MAN2B1: variants seen among roughly 807,000 people sequenced by gnomAD.
MAN2B1 encodes mannosidase alpha class 2B member 1, also known as lysosomal alpha-mannosidase.
MAN2B1 carries 99 observed loss-of-function variants against 127.5 expected under a neutral mutation model. The observed-to-expected ratio is 0.78, with a 90% confidence interval of 0.66 to 0.92. MAN2B1 has a LOEUF of 0.92. MAN2B1 is among the 40% of genes least tolerant of loss of function. The probability of loss-of-function intolerance (pLI) is 0.00; values close to 1 mark genes in which losing one functional copy is unlikely to be tolerated. For missense variants in MAN2B1, 1,304 were observed against 1,384.8 expected (o/e 0.94, Z 0.93); for synonymous variants, 573 against 568.8 (o/e 1.01, Z -0.11).
intron 4 of MAN2B1, among the ~76,000 whole-genome samples, chr19:12,664,096 C>T (rs2024171642): frequency 6.6e-6 from 1 of 152,100 alleles, no homozygotes; most frequent in Non-Finnish European, 1.5e-5. Context: ...CGTAGTGGTG[C>T]GCTCTTGTAG....
In MAN2B1 at chr19:12,648,056, G is replaced by A. The variant is rs1025305762; in HGVS notation, c.2664+119C>T. The A allele has an allele frequency of 5.1e-5, 55 of 1,077,202 alleles. No homozygotes were observed. The African/African-American group carries it at 7.0e-4, about 14-fold the overall frequency. The allele number at this position is 1,077,202 out of a possible 1,614,324, so 66.7% of individuals were successfully genotyped here. A position where few individuals can be genotyped will look rare whatever the true frequency, so the allele number is the denominator to read the frequency against. ...TGCCCAGGGGATGGGGTTGGCCCGAGGGTTTGGGGCTAATTATGGCCAAAT... is the reference window on the plus strand; with the variant it reads ...TGCCCAGGGGATGGGGTTGGCCCGAAGGTTTGGGGCTAATTATGGCCAAAT... On this transcript the variant is annotated intron_variant, in intron 21 of 23. Coordinates refer to ENST00000456935, the MANE Select transcript of MAN2B1 (RefSeq NM_000528.4).
At chr19:12,656,468 A>G (rs2145252550) in intron 13 of MAN2B1, 103 bp downstream of exon 13, 1 of 784,864 alleles carries the variant, frequency 1.3e-6, no homozygotes, top group Admixed American at 1.7e-5. Flanking sequence ...GATATGCATG[A>G]GTGGGAGGTA....
intron 4 of MAN2B1, 34 bp from the exon 5 acceptor site, chr19:12,663,869 A>G (rs1198958949): frequency 1.2e-6 from 2 of 1,613,834 alleles, no homozygotes; most frequent in Non-Finnish European, 1.7e-6. Flanking sequence ...AGTGTGAATT[A>G]GTGCCCAGCC....
chr19:12,655,915 A>G (rs375721133), intron 13 of MAN2B1, 36 bp from the exon 14 acceptor site: 9 of 1,585,094 alleles, frequency 5.7e-6, no homozygotes, highest in Non-Finnish European at 7.8e-6. Flanking sequence ...AGTCAAGAGT[A>G]CCCATGGAAA....
At chr19:12,658,008 G>T in intron 10 of MAN2B1, 55 bp downstream of exon 10, 1 of 1,423,476 alleles carries the variant, frequency 7.0e-7, no homozygotes, top group Non-Finnish European at 9.9e-7. Context: ...GGCGGCCTAG[G>T]GGTGGTTTCC....
At position 12,648,363 on chromosome 19, in the gene MAN2B1, A is replaced by G. The variant is rs1568297991; in HGVS notation, c.2476T>C (p.Ser826Pro). Residue 826 changes from serine to proline, a missense_variant, in exon 21 of 24, where the codon TCG (serine) becomes CCG (proline). Transcript: ENST00000456935. Reference protein sequence around the residue: ...RLLKDDGRGVSEPLMENGSGA... With the variant: ...RLLKDDGRGVPEPLMENGSGA... ...GACCCGTTCTCCATTAGTGGCTCCGATACTCCGCGTCCATCGTCCTTCAGC... is the reference window on the plus strand; with the variant it reads ...GACCCGTTCTCCATTAGTGGCTCCGGTACTCCGCGTCCATCGTCCTTCAGC... The G allele has an allele frequency of 6.2e-7, 1 of 1,613,408 alleles. No homozygotes were observed. Among genetic ancestry groups the G allele is most frequent in the Admixed American group, 1.7e-5 (1 of 59,992 alleles).
At chr19:12,661,445 T>A in intron 6 of MAN2B1, 69 bp from the exon 7 acceptor site, 1 of 1,053,588 alleles carries the variant, frequency 9.5e-7, no homozygotes, top group Non-Finnish European at 1.5e-6. Flanking sequence ...TGTGTTTTGA[T>A]GTATATGGGG....
chr19:12,656,160 G>T (rs980016824), intron 13 of MAN2B1: 8 of 466,074 alleles, frequency 1.7e-5, no homozygotes, highest in African/African-American at 1.4e-4. Flanking sequence ...GGGAGGAAGA[G>T]GTTTGGGGGA....
Position 12,652,896 on chromosome 19 carries a change from G to A in MAN2B1, c.1831-436C>T, listed in dbSNP as rs572594214. On this transcript the variant is annotated intron_variant, in intron 14 of 23. Coordinates refer to ENST00000456935, the MANE Select transcript of MAN2B1 (RefSeq NM_000528.4). ...GTCGCCCAGGCTGGAGTGCAGGGGC[G>A]CAATCTCTGCTCACTACAGCCTCTG... Among the ~76,000 whole-genome samples, 8 of 148,452 alleles carry A rather than the reference G, an allele frequency of 5.4e-5. No homozygotes were observed. In the East Asian group the frequency reaches 1.2e-3, roughly 22 times the overall value.
rs1455417289 is a variant in MAN2B1, at chr19:12,664,940, G to A, written c.482C>T (p.Ala161Val). Residue 161 changes from alanine to valine, a missense_variant, in exon 4 of 24, where the codon GCA (alanine) becomes GTA (valine). By Grantham distance (64) the Ala-to-Val change is moderately conservative. Transcript: ENST00000456935. ...CACGATGGCACCGTAGTGGGTGGCTGCCTCATCGTTCATCACCCAGCCACC... is the reference window on the plus strand; with the variant it reads ...CACGATGGCACCGTAGTGGGTGGCTACCTCATCGTTCATCACCCAGCCACC... ...ANGGWVMNDE[A>V]ATHYGAIVDQ... The A allele has an allele frequency of 6.2e-7, 1 of 1,613,964 alleles. No homozygotes were observed. Among genetic ancestry groups the A allele is most frequent in the Non-Finnish European group, 8.5e-7 (1 of 1,180,020 alleles).
At chr19:12,665,847 C>T in intron 1 of MAN2B1, 42 bp from the exon 2 acceptor site, 1 of 1,516,124 alleles carries the variant, frequency 6.6e-7, no homozygotes, top group South Asian at 1.1e-5. Context: ...TCAATAACCC[C>T]CGAGGTCGGG....
At chr19:12,661,716 A>G (rs2024109505) in intron 6 of MAN2B1, among the ~76,000 whole-genome samples, 1 of 151,990 alleles carries the variant, frequency 6.6e-6, no homozygotes, top group African/African-American at 2.4e-5. Flanking sequence ...ACATGATTAC[A>G]GGGGCTCACA....
At chr19:12,663,295 A>G in intron 6 of MAN2B1, 22 bp downstream of exon 6, 2 of 1,614,110 alleles carry the variant, frequency 1.2e-6, no homozygotes, top group Non-Finnish European at 1.7e-6. Context: ...CCGGACTCGA[A>G]GGTTCTGGAC....
At position 12,647,572 on chromosome 19, in the gene MAN2B1, C is replaced by T. The variant is rs149897798; in HGVS notation, c.2691G>A (p.Pro897=). 106 of 1,613,146 alleles carry T rather than the reference C, an allele frequency of 6.6e-5. No homozygotes were observed. In the African/African-American group the frequency reaches 9.2e-4, roughly 14 times the overall value. The change falls in exon 22 of 24, where the codon CCG becomes CCA. Residue 897 remains proline (P), a synonymous_variant. Transcript: ENST00000456935. This position sits in a 1 kb window ranked among gnomAD's most constrained non-coding sequence, Gnocchi z 4.9. ...CCAGCGTGAGCAGGTGCACCGAGGGCGGCAGGTCCCTGCGCAGCCCTGAGA... is the reference window on the plus strand; with the variant it reads ...CCAGCGTGAGCAGGTGCACCGAGGGTGGCAGGTCCCTGCGCAGCCCTGAGA... ...TQFSGLRRDL[P]PSVHLLTLAS... is the part of the protein sequence containing the mutation.
intron 14 of MAN2B1, among the ~76,000 whole-genome samples, chr19:12,653,393 C>CCA (rs1555707376): frequency 4.6e-5 from 7 of 151,452 alleles, no homozygotes; most frequent in Non-Finnish European, 1.0e-4. Context: ...GATCCACCCC[C>CCA]CCCTCAGCCT....
intron 7 of MAN2B1, among the ~76,000 whole-genome samples, chr19:12,660,272 G>A (rs1294229244): frequency 4.6e-5 from 7 of 152,186 alleles, no homozygotes; most frequent in African/African-American, 9.6e-5. Flanking sequence ...TTGGGAGGCC[G>A]AGCGGGGTGG....
chr19:12,658,540 C>T (rs757858590), intron 7 of MAN2B1, 30 bp from the exon 8 acceptor site: 10 of 1,604,858 alleles, frequency 6.2e-6, no homozygotes, highest in East Asian at 2.2e-5. Context: ...AGTGAGCCCT[C>T]GGGAGTCCGC....
rs191110247 is a variant in MAN2B1, at chr19:12,663,625, A to C, written c.763+78T>G. On this transcript the variant is annotated intron_variant, in intron 5 of 23. Coordinates refer to ENST00000456935, the MANE Select transcript of MAN2B1 (RefSeq NM_000528.4). ...ACTATAGGAATTCCAGGACAGTGAC[A>C]ACAGAGCAGATATCAAGCCCAGGGC... 2.6e-6 allele frequency: 4 copies of C among 1,553,144 alleles called. No individual in the cohort carries two copies. The African/African-American group carries it at 4.1e-5, about 16-fold the overall frequency.
rs531106814 is a variant in MAN2B1, at chr19:12,655,990, T to G, written c.1645-111A>C. ...AGAGTCCTGAGATGGGGAAAGGAAA[T>G]GGAGGTGTGTGTGGTGGGGGGACAG... is the stretch of plus-strand genomic sequence containing the variant. On this transcript the variant is annotated intron_variant, in intron 13 of 23. Coordinates refer to ENST00000456935, the MANE Select transcript of MAN2B1 (RefSeq NM_000528.4). 102 of 792,430 alleles carry G rather than the reference T, an allele frequency of 1.3e-4. No homozygotes were observed. The Middle Eastern group carries it at 2.7e-3, about 21-fold the overall frequency. 49.1% of individuals were successfully genotyped at this position (792,430 alleles called of 1,614,324 possible).
Sources: allele counts gnomAD v4.1 joint callset (sites outside exome capture counted in the v4.1 genomes callset), GRCh38; gene constraint gnomAD v4.1.1; non-coding constraint Gnocchi (gnomAD v3.1); transcripts MANE v1.5; gene names NCBI Gene and HGNC (gene_info 2026-07-23, HGNC 2026-07-21).